ZFAT: variants seen among roughly 807,000 people sequenced by gnomAD.
ZFAT encodes zinc finger protein ZFAT.
In ZFAT, 64 loss-of-function variants were observed where a neutral mutation model predicts 117.7. That is an observed-to-expected ratio of 0.54 (90% confidence interval 0.44 to 0.67). ZFAT has a LOEUF of 0.67. Ranked by LOEUF, ZFAT falls within the 30% of genes least tolerant of loss-of-function variation. The probability of loss-of-function intolerance (pLI) is 0.00; values close to 1 mark genes in which losing one functional copy is unlikely to be tolerated. For missense variants in ZFAT, 1,433 were observed against 1,584.5 expected (o/e 0.90, Z 1.62); for synonymous variants, 679 against 615.0 (o/e 1.10, Z -1.54).
chr8:134,746,754 A>C, the ZFAT span, among the ~76,000 whole-genome samples: 3 of 152,360 alleles, frequency 2.0e-5, no homozygotes, highest in Non-Finnish European at 4.4e-5. Context: ...ATCAAGTGTT[A>C]CAATGGACGA....
chr8:134,703,310 T>C (rs1834063674), intron 1 of ZFAT, among the ~76,000 whole-genome samples: 1 of 152,258 alleles, frequency 6.6e-6, no homozygotes, highest in African/African-American at 2.4e-5. Flanking sequence ...TCTGTTAAAG[T>C]ATCTTTCAAA....
the ZFAT span, among the ~76,000 whole-genome samples, chr8:134,764,275 C>A: frequency 6.6e-6 from 1 of 152,170 alleles, no homozygotes; most frequent in Non-Finnish European, 1.5e-5. Flanking sequence ...CTTGCTAGTT[C>A]TCTCATCCTG....
Position 134,637,572 on chromosome 8 carries a change from G to C in ZFAT, c.337C>G (p.Pro113Ala), listed in dbSNP as rs1830296007. ...CACTTGCTACACTCCAAGCTGCTTG[G>C]AGGCAGGCTGTTCCCTTCCTCCGGA... The part of the protein sequence containing the change: ...LAPEEGNSLP[P>A]SSLECSKCCR... The change falls in exon 3 of 16, where the codon CCA becomes GCA. Residue 113 changes from proline to alanine, a missense_variant. Pro to Ala is a conservative substitution (Grantham distance 27, BLOSUM62 -1). Coordinates refer to ENST00000377838, the MANE Select transcript of ZFAT (RefSeq NM_020863.4). 6.2e-7 allele frequency: 1 copy of C among 1,614,116 alleles called. No individual in the cohort carries two copies. The highest frequency in any genetic ancestry group is 8.5e-7 in the Non-Finnish European group (1 of 1,180,054).
At chr8:134,783,248 C>G in the ZFAT span, among the ~76,000 whole-genome samples, 43 of 152,106 alleles carry the variant, frequency 2.8e-4, no homozygotes, top group African/African-American at 9.7e-4. Flanking sequence ...TCAAGGGTCC[C>G]CATCCCCTGG....
At chr8:134,736,631 C>A in the ZFAT span, among the ~76,000 whole-genome samples, 2 of 152,142 alleles carry the variant, frequency 1.3e-5, no homozygotes, top group African/African-American at 4.8e-5. Context: ...CTCTTTCACA[C>A]AGGTTGGAGT....
chr8:134,639,395 G>C (rs998363653), intron 2 of ZFAT, among the ~76,000 whole-genome samples: 3 of 152,190 alleles, frequency 2.0e-5, no homozygotes, highest in Non-Finnish European at 4.4e-5. Flanking sequence ...ATCCAAACCA[G>C]AGTCCTGCAC....
intron 3 of ZFAT, among the ~76,000 whole-genome samples, chr8:134,630,288 A>G (rs1829798264): frequency 6.6e-6 from 1 of 152,200 alleles, no homozygotes; most frequent in South Asian, 2.1e-4. Context: ...CAGGCAGCAA[A>G]AAGAAACAGA....
chr8:134,498,343 G>C (rs1212916469), intron 15 of ZFAT, among the ~76,000 whole-genome samples: 1 of 145,570 alleles, frequency 6.9e-6, no homozygotes, highest in Non-Finnish European at 1.5e-5. Context: ...GGATGCCCCC[G>C]TTGCTGGTTA....
At chr8:134,624,562 C>A (rs1829364931) in intron 3 of ZFAT, among the ~76,000 whole-genome samples, 1 of 152,148 alleles carries the variant, frequency 6.6e-6, no homozygotes, top group South Asian at 2.1e-4. Context: ...GAAGCTGAGG[C>A]AGGAGAATCG....
intron 15 of ZFAT, among the ~76,000 whole-genome samples, chr8:134,493,040 GC>G (rs1818164649): frequency 6.6e-6 from 1 of 152,224 alleles, no homozygotes; most frequent in Non-Finnish European, 1.5e-5. Context: ...GTATAATGCT[GC>G]CTCTCCACCC....
chr8:134,696,207 G>A (rs1304315523), intron 1 of ZFAT, among the ~76,000 whole-genome samples: 19 of 152,080 alleles, frequency 1.2e-4, no homozygotes, highest in African/African-American at 1.7e-4. Flanking sequence ...AGGTGCCACC[G>A]CCAGGCGCGG....
At chr8:134,707,623 T>C (rs1191435603) in intron 1 of ZFAT, among the ~76,000 whole-genome samples, 2 of 152,194 alleles carry the variant, frequency 1.3e-5, no homozygotes, top group African/African-American at 4.8e-5. Context: ...CAAGCTCTCC[T>C]GGTCCTTGGC....
chr8:134,827,624 CA>C, the ZFAT span, among the ~76,000 whole-genome samples: 2 of 151,972 alleles, frequency 1.3e-5, no homozygotes, highest in African/African-American at 4.8e-5. Context: ...AAAAATTAGA[CA>C]GGCGTGGTGG....
chr8:134,712,977 T>C lies in ZFAT; in HGVS notation c.-114A>G. On this transcript the variant is annotated 5_prime_UTR_variant, in exon 1 of 16. Transcript: ENST00000377838. ...CGCTTCGCTTTTTATTTTTATTTTT[T>C]TAAGAAAAGAGCCGGCGAGGTTATG... is the stretch of plus-strand genomic sequence containing the variant. The C allele has an allele frequency of 4.7e-6, 6 of 1,266,748 alleles. No individual in the cohort carries two copies. The South Asian group carries it at 8.6e-5, about 18-fold the overall frequency. The allele number at this position is 1,266,748 out of a possible 1,614,324, so 78.5% of individuals were successfully genotyped here.
In ZFAT at chr8:134,566,393, C is replaced by CAAAAAAAAAAAAAAAAA. The variant is rs57041885; in HGVS notation, c.2888-989_2888-973dup. Among the ~76,000 whole-genome samples the CAAAAAAAAAAAAAAAAA allele has an allele frequency of 1.4e-3, 106 of 77,106 alleles. 1 individual carries two copies. Among genetic ancestry groups the CAAAAAAAAAAAAAAAAA allele is most frequent in the Middle Eastern group, 7.8e-3 (1 of 128 alleles). 50.6% of individuals were successfully genotyped at this position (77,106 alleles called of 152,430 possible). ...TGGGCGACAGAGCAAGACTCCAACTCAAAAAAAAAAAAAAAAAGATTAAGG... is the reference window on the plus strand; with the variant it reads ...TGGGCGACAGAGCAAGACTCCAACTCAAAAAAAAAAAAAAAAAAAAAAAAAAAAAAAAAAGATTAAGG... On this transcript the variant is annotated intron_variant, in intron 10 of 15. Coordinates refer to ENST00000377838, the MANE Select transcript of ZFAT (RefSeq NM_020863.4).
At chr8:134,712,800 GCCCCAC>G in intron 1 of ZFAT, 39 bp downstream of exon 1, 7 of 1,140,138 alleles carry the variant, frequency 6.1e-6, no homozygotes, top group African/African-American at 1.6e-5. Flanking sequence ...GCCGCGCCGC[GCCCCAC>G]CCCCACCCCG....
intron 11 of ZFAT, among the ~76,000 whole-genome samples, chr8:134,553,158 T>C (rs2130709698): frequency 6.6e-6 from 1 of 152,224 alleles, no homozygotes; most frequent in Non-Finnish European, 1.5e-5. Flanking sequence ...GAGAGAGACA[T>C]TCACTGTTAG....
chr8:134,692,665 C>G (rs66875684), intron 1 of ZFAT, among the ~76,000 whole-genome samples: 55,550 of 152,054 alleles, frequency 0.37, 10,185 homozygotes, highest in East Asian at 0.41. Flanking sequence ...TGAACAAAAC[C>G]ATACTTTAAA....
the ZFAT span, among the ~76,000 whole-genome samples, chr8:134,771,610 C>T: frequency 6.6e-6 from 1 of 152,214 alleles, no homozygotes; most frequent in Non-Finnish European, 1.5e-5. Context: ...CAACAAGTCT[C>T]TAAGAAGTTC....
Sources: gnomAD v4.1 joint callset for allele counts (sites outside exome capture counted in the v4.1 genomes callset) on GRCh38, gnomAD v4.1.1 for gene constraint, MANE v1.5 for transcripts, NCBI Gene and HGNC (gene_info 2026-07-23, HGNC 2026-07-21) for gene names.